Variants in CCDC102B observed in about 807,000 individuals in gnomAD.
The protein encoded by CCDC102B is coiled-coil domain containing 102B.
A neutral mutation model predicts 57.4 loss-of-function variants in CCDC102B; 75 were observed. The ratio of observed to expected loss-of-function variants is 1.31; its 90% confidence interval spans 1.08 to 1.58. The LOEUF is 1.58. Among genes scored for constraint, CCDC102B ranks in the 40% most tolerant of loss-of-function variants. CCDC102B has a pLI of 0.00. For missense variants in CCDC102B, 636 were observed against 582.6 expected (o/e 1.09, Z -0.94); for synonymous variants, 206 against 201.9 (o/e 1.02, Z -0.17).
intron 6 of CCDC102B, among the ~76,000 whole-genome samples, chr18:68,960,022 G>A (rs919655692): frequency 6.6e-5 from 10 of 151,918 alleles, no homozygotes; most frequent in Non-Finnish European, 1.5e-4. Context: ...GAAGACAAAG[G>A]TCCCCTTCAC....
rs1032565095 is a variant in CCDC102B, at chr18:68,718,400, A to T, written c.-67+1806A>T. On this transcript the variant is annotated intron_variant, in intron 2 of 3. Coordinates refer to the CCDC102B transcript ENST00000578970. ...AAATCCTAAACCAAATGTTGAACAG[A>T]AGAAGCCAGAAACTAAAGAAAGGTA... 5.3e-5 allele frequency among the ~76,000 whole-genome samples: 8 copies of T among 152,348 alleles called. No homozygotes were observed. In the South Asian group the frequency reaches 1.0e-3, roughly 20 times the overall value.
intron 4 of CCDC102B, among the ~76,000 whole-genome samples, chr18:68,850,958 A>G (rs1440922014): frequency 6.6e-6 from 1 of 152,074 alleles, no homozygotes; most frequent in Admixed American, 6.6e-5. Flanking sequence ...TCAAAGCAAC[A>G]CGTAATATTT....
chr18:69,038,434 C>T (rs975982334), intron 7 of CCDC102B, among the ~76,000 whole-genome samples: 1 of 151,864 alleles, frequency 6.6e-6, no homozygotes, highest in Non-Finnish European at 1.5e-5. Context: ...TTTGGTATGG[C>T]TTTGATTTAG....
At chr18:68,897,458 C>A (rs1337262135) in intron 6 of CCDC102B, 30 bp downstream of exon 6, 2 of 1,599,432 alleles carry the variant, frequency 1.3e-6, no homozygotes, top group African/African-American at 2.7e-5. Context: ...CAAATTCTCA[C>A]TGTCTAATCT....
At chr18:68,820,218 C>T (rs1734629165) in intron 1 of CCDC102B, among the ~76,000 whole-genome samples, 2 of 152,014 alleles carry the variant, frequency 1.3e-5, no homozygotes, top group Admixed American at 1.3e-4. Context: ...GTTATCATAT[C>T]ACTACTTTCC....
intron 5 of CCDC102B, among the ~76,000 whole-genome samples, chr18:68,883,359 C>T (rs1377315847): frequency 4.0e-5 from 6 of 151,030 alleles, no homozygotes; most frequent in Non-Finnish European, 7.4e-5. Flanking sequence ...TGCAGTGAGC[C>T]GAGATCACAC....
At chr18:68,717,352 A>C (rs1354251664) in intron 2 of CCDC102B, among the ~76,000 whole-genome samples, 1 of 152,248 alleles carries the variant, frequency 6.6e-6, no homozygotes, top group Non-Finnish European at 1.5e-5. Context: ...AGAAAGTATA[A>C]AACTGTAAAA....
intron 4 of CCDC102B, among the ~76,000 whole-genome samples, chr18:68,856,064 T>C (rs1045852147): frequency 1.3e-5 from 2 of 152,188 alleles, no homozygotes; most frequent in South Asian, 4.1e-4. Flanking sequence ...AGATCTTTCA[T>C]TGTGACCATA....
intron 6 of CCDC102B, among the ~76,000 whole-genome samples, chr18:68,970,916 ATAAGT>A (rs1484092022): frequency 6.6e-6 from 1 of 151,960 alleles, no homozygotes; most frequent in Admixed American, 6.6e-5. Context: ...GACTCAATGG[ATAAGT>A]TAAATGTGAT....
At chr18:68,836,701 T>G in intron 1 of CCDC102B, 48 bp from the exon 2 acceptor site, 1 of 1,460,694 alleles carries the variant, frequency 6.8e-7, no homozygotes, top group African/African-American at 1.4e-5. Context: ...GTTCCTGTAT[T>G]TACAAGGGAA....
intron 2 of CCDC102B, among the ~76,000 whole-genome samples, chr18:68,737,445 G>A (rs985212807): frequency 3.0e-4 from 10 of 33,118 alleles, no homozygotes; most frequent in Non-Finnish European, 5.5e-4. Context: ...ATTGACTGGC[G>A]CTTGTGGTGG....
At chr18:68,924,895 G>T (rs1025609522) in intron 6 of CCDC102B, among the ~76,000 whole-genome samples, 1 of 152,048 alleles carries the variant, frequency 6.6e-6, no homozygotes, top group Non-Finnish European at 1.5e-5. Context: ...CAGGGGGCTA[G>T]TTAAAATACT....
chr18:68,773,428 C>CT (rs1408877435), intron 2 of CCDC102B, among the ~76,000 whole-genome samples: 1 of 151,956 alleles, frequency 6.6e-6, no homozygotes, highest in East Asian at 1.9e-4. Flanking sequence ...AAAAGTTACT[C>CT]TTCTCTGACT....
intron 6 of CCDC102B, among the ~76,000 whole-genome samples, chr18:68,998,997 T>TAG (rs2051121859): frequency 3.3e-5 from 1 of 30,578 alleles, no homozygotes; most frequent in African/African-American, 9.4e-5. Flanking sequence ...TATATATATA[T>TAG]ATAGAGAGAG....
intron 3 of CCDC102B, among the ~76,000 whole-genome samples, chr18:68,844,703 A>G (rs1027076188): frequency 9.9e-5 from 15 of 151,940 alleles, no homozygotes; most frequent in Non-Finnish European, 1.9e-4. Context: ...TTCTAAATCT[A>G]ACACAAAATA....
chr18:68,920,918 C>T (rs759315706), intron 6 of CCDC102B, among the ~76,000 whole-genome samples: 9 of 152,144 alleles, frequency 5.9e-5, no homozygotes, highest in Non-Finnish European at 1.0e-4. Context: ...ACAGCCAAAC[C>T]ATATCAGCAG....
intron 7 of CCDC102B, among the ~76,000 whole-genome samples, chr18:69,018,198 T>C (rs2051721952): frequency 6.6e-6 from 1 of 152,244 alleles, no homozygotes; most frequent in Non-Finnish European, 1.5e-5. Context: ...TTTCAGATAC[T>C]GATTTCATTT....
At chr18:68,913,389 A>G (rs4891715) in intron 6 of CCDC102B, among the ~76,000 whole-genome samples, 138,583 of 150,524 alleles carry the variant, frequency 0.92, 63,860 homozygotes, top group East Asian at 0.98. Flanking sequence ...GCTCACGCCT[A>G]TACTCCCAGC....
chr18:68,970,804 T>C (rs1275663440), intron 6 of CCDC102B, among the ~76,000 whole-genome samples: 1 of 152,016 alleles, frequency 6.6e-6, no homozygotes, highest in Non-Finnish European at 1.5e-5. Flanking sequence ...ACATGTGGAA[T>C]CTGTAATAAT....
Sources: allele counts gnomAD v4.1 joint callset (sites outside exome capture counted in the v4.1 genomes callset), GRCh38; gene constraint gnomAD v4.1.1; transcripts MANE v1.5; gene names NCBI Gene and HGNC (gene_info 2026-07-23, HGNC 2026-07-21).